Variants in PPP1R21 observed in about 807,000 individuals in gnomAD.
PPP1R21 encodes the protein protein phosphatase 1 regulatory subunit 21, also known as KLRAQ motif containing 1.
PPP1R21 carries 85 observed loss-of-function variants against 112.8 expected under a neutral mutation model. The ratio of observed to expected loss-of-function variants is 0.75; its 90% CI spans 0.63 to 0.90. The LOEUF (loss-of-function observed/expected upper bound fraction) is 0.90. Ranked by LOEUF, PPP1R21 falls within the 40% of genes least tolerant of loss-of-function variation. PPP1R21 has a pLI of 0.00. For missense variants in PPP1R21, 1,199 were observed against 901.5 expected, an observed-to-expected ratio of 1.33 and a Z score of -4.23; for synonymous variants, 381 against 322.3, an observed-to-expected ratio of 1.18 and a Z score of -1.95.
intron 3 of PPP1R21, among the ~76,000 whole-genome samples, chr2:48,455,422 C>A: frequency 6.6e-6 from 1 of 150,672 alleles, no homozygotes; most frequent in East Asian, 2.0e-4. Context: ...GGATTACAGG[C>A]CTGAGCCACC....
At chr2:48,473,661 TATAA>T (rs1357944668) in intron 11 of PPP1R21, among the ~76,000 whole-genome samples, 3 of 152,184 alleles carry the variant, frequency 2.0e-5, no homozygotes, top group East Asian at 1.9e-4. Flanking sequence ...AGCTGTCTGC[TATAA>T]ATAAAGTAGA....
intron 8 of PPP1R21, 37 bp from the exon 9 acceptor site, chr2:48,465,456 G>T: frequency 6.4e-7 from 1 of 1,569,304 alleles, no homozygotes; most frequent in South Asian, 1.2e-5. Context: ...ATAATAATTT[G>T]AGAGTTGACC....
intron 4 of PPP1R21, among the ~76,000 whole-genome samples, chr2:48,459,091 CAA>C (rs747369228): frequency 2.2e-4 from 12 of 55,268 alleles, no homozygotes; most frequent in African/African-American, 3.7e-4. Context: ...GACTCTGTCT[CAA>C]AAAAAAAAAA....
intron 13 of PPP1R21, among the ~76,000 whole-genome samples, chr2:48,485,639 A>G (rs1669247840): frequency 1.3e-5 from 2 of 151,660 alleles, no homozygotes; most frequent in African/African-American, 2.4e-5. Flanking sequence ...AGTGAAAATA[A>G]TCTCATTCAT....
chr2:48,497,783 C>T (rs1271532249), intron 16 of PPP1R21, among the ~76,000 whole-genome samples: 2 of 151,794 alleles, frequency 1.3e-5, no homozygotes, highest in Non-Finnish European at 2.9e-5. Context: ...TCCCGAGTAG[C>T]TGGGACTACA....
In PPP1R21 at chr2:48,479,989, C is replaced by T. The variant is rs775390933; in HGVS notation, c.1291C>T (p.Leu431=). The stretch of plus-strand genomic sequence containing the variant: ...TGTGTTAACAAATGTTGGTGCTGCT[C>T]TGCATGGATTTCATGACGTTATGAA... ...SSVLTNVGAA[L]HGFHDVMKDI... The change falls in exon 13 of 22, where the codon CTG becomes TTG. Residue 431 remains leucine (L), a synonymous_variant. Coordinates refer to ENST00000294952, the MANE Select transcript of PPP1R21 (RefSeq NM_001135629.3). 6.2e-7 allele frequency: 1 copy of T among 1,612,588 alleles called. No homozygotes were observed. The highest frequency in any genetic ancestry group is 1.1e-5 in the South Asian group (1 of 91,056).
At chr2:48,501,714 G>T (rs1670123136) in intron 17 of PPP1R21, among the ~76,000 whole-genome samples, 1 of 152,030 alleles carries the variant, frequency 6.6e-6, no homozygotes, top group Non-Finnish European at 1.5e-5. Context: ...AGAGGCTGAA[G>T]CAGGAGGATT....
intron 1 of PPP1R21, among the ~76,000 whole-genome samples, chr2:48,442,256 T>G (rs1208298483): frequency 6.6e-6 from 1 of 152,188 alleles, no homozygotes; most frequent in Admixed American, 6.5e-5. Flanking sequence ...GGCTCTACTA[T>G]TTTTGGTTGA....
intron 18 of PPP1R21, among the ~76,000 whole-genome samples, chr2:48,506,889 T>G (rs1363844274): frequency 2.1e-5 from 3 of 146,198 alleles, no homozygotes; most frequent in Non-Finnish European, 4.4e-5. Context: ...GAGCTTGCAG[T>G]GAGCCAAGAC....
Position 48,471,196 on chromosome 2 carries a change from TCTTC to T in PPP1R21, c.999+12_999+15del. The T allele has an allele frequency of 4.4e-6, 7 of 1,608,300 alleles. No homozygotes were observed. The highest frequency in any genetic ancestry group is 6.0e-6 in the Non-Finnish European group (7 of 1,174,936). On this transcript the variant is annotated intron_variant, in intron 10 of 21. Coordinates refer to ENST00000294952, the MANE Select transcript of PPP1R21 (RefSeq NM_001135629.3). ...GATACTGTGACTGTCTTGGTAATTT[TCTTC>T]CTTGTTTTACTTCTGGAAACTGGGA...
chr2:48,465,387 A>G, intron 8 of PPP1R21, 106 bp from the exon 9 acceptor site: 1 of 1,042,422 alleles, frequency 9.6e-7, no homozygotes, highest in South Asian at 1.7e-5. Flanking sequence ...AAAGTAAGGA[A>G]TAATCACACT....
At chr2:48,501,683 G>A (rs1316690898) in intron 17 of PPP1R21, among the ~76,000 whole-genome samples, 4 of 151,984 alleles carry the variant, frequency 2.6e-5, no homozygotes, top group Admixed American at 6.6e-5. Flanking sequence ...GGTAGCCCAC[G>A]CCTGTTGTCC....
In PPP1R21 at chr2:48,465,695, T is replaced by C. The variant is rs971430643; in HGVS notation, c.897+53T>C. 7 of 1,548,014 alleles carry C rather than the reference T, an allele frequency of 4.5e-6. No individual in the cohort carries two copies. In the Admixed American group the frequency reaches 7.2e-5, roughly 16 times the overall value. On this transcript the variant is annotated intron_variant, in intron 9 of 21. Coordinates refer to ENST00000294952, the MANE Select transcript of PPP1R21 (RefSeq NM_001135629.3). ...TTGCCCTGAACAAAATAGGGAGATA[T>C]TGTTTGTTTTTAGACCTCTTCTGTG...
At chr2:48,474,115 G>T (rs1205045181) in intron 11 of PPP1R21, among the ~76,000 whole-genome samples, 9 of 152,164 alleles carry the variant, frequency 5.9e-5, no homozygotes. Flanking sequence ...GGGCGTGGTG[G>T]TTCATGCCTG....
In PPP1R21 at chr2:48,444,908, A is replaced by G. The variant is rs34901329; in HGVS notation, c.57+3898A>G. ...GTGGATGCCAGCAGGAAAGCCAAACATCCATTATTTCTCTACAGTTTACTT... is the reference window on the plus strand; with the variant it reads ...GTGGATGCCAGCAGGAAAGCCAAACGTCCATTATTTCTCTACAGTTTACTT... On this transcript the variant is annotated intron_variant, in intron 1 of 21. Transcript: ENST00000294952. Among the ~76,000 whole-genome samples, 236 of 151,342 alleles carry G rather than the reference A, an allele frequency of 1.6e-3. 2 individuals are homozygous for G. Among genetic ancestry groups the G allele is most frequent in the Middle Eastern group, 6.8e-3 (2 of 292 alleles).
intron 1 of PPP1R21, among the ~76,000 whole-genome samples, chr2:48,448,698 A>G (rs145819317): frequency 0.013 from 2,031 of 152,354 alleles, 36 homozygotes; most frequent in African/African-American, 0.044. Context: ...GAAGTAGCAC[A>G]TTATTCAAGA....
At chr2:48,504,883 A>G (rs1457977483) in intron 17 of PPP1R21, among the ~76,000 whole-genome samples, 2 of 152,120 alleles carry the variant, frequency 1.3e-5, no homozygotes, top group Non-Finnish European at 1.5e-5. Flanking sequence ...AATCTCAGCT[A>G]CTCAGGAGGC....
intron 1 of PPP1R21, among the ~76,000 whole-genome samples, chr2:48,446,362 A>C (rs568274437): frequency 1.3e-5 from 2 of 152,306 alleles, no homozygotes; most frequent in South Asian, 4.2e-4. Context: ...GATAGGCCTC[A>C]CTGAAGTTGG....
At position 48,471,180 on chromosome 2, in the gene PPP1R21, A is replaced by G; in HGVS notation, c.991A>G (p.Thr331Ala). ...TGAAAGTATCACTGAGGATACTGTG[A>G]CTGTCTTGGTAATTTTCTTCCTTGT... ...LFESITEDTV[T>A]VLETTVKLKT... Residue 331 changes from threonine to alanine, a missense_variant, in exon 10 of 22, where the codon ACT (threonine) becomes GCT (alanine). Physicochemically the swap from Thr to Ala is moderately conservative, Grantham distance 58. Transcript: ENST00000294952. 6.2e-7 allele frequency: 1 copy of G among 1,611,056 alleles called. No individual in the cohort carries two copies. The highest frequency in any genetic ancestry group is 8.5e-7 in the Non-Finnish European group (1 of 1,177,386).
Sources: allele counts gnomAD v4.1 joint callset (sites outside exome capture counted in the v4.1 genomes callset), GRCh38; gene constraint gnomAD v4.1.1; transcripts MANE v1.5; gene names NCBI Gene and HGNC (gene_info 2026-07-23, HGNC 2026-07-21).